Variants in PATJ observed in about 807,000 individuals in gnomAD.
PATJ encodes PATJ crumbs cell polarity complex component.
In PATJ, 190 loss-of-function variants were observed where a neutral mutation model predicts 224.9. That is an observed-to-expected ratio of 0.84 (90% CI 0.75 to 0.95). The LOEUF is 0.95. Ranked by LOEUF, PATJ falls within the 40% of genes least tolerant of loss-of-function variation. The probability of loss-of-function intolerance (pLI) is 0.00; values close to 1 mark genes in which losing one functional copy is unlikely to be tolerated. For missense variants in PATJ, 2,121 were observed against 2,270.3 expected, an observed-to-expected ratio of 0.93 and a Z score of 1.34; for synonymous variants, 769 against 820.3, an observed-to-expected ratio of 0.94 and a Z score of 1.07.
At chr1:61,768,521 A>T (rs1238244383) in intron 4 of PATJ, among the ~76,000 whole-genome samples, 1 of 152,112 alleles carries the variant, frequency 6.6e-6, no homozygotes, top group African/African-American at 2.4e-5. Flanking sequence ...CAACAATAGA[A>T]TTAAAAACAG....
At chr1:62,055,768 C>T (rs1654433538) in intron 31 of PATJ, among the ~76,000 whole-genome samples, 1 of 152,136 alleles carries the variant, frequency 6.6e-6, no homozygotes, top group Non-Finnish European at 1.5e-5. Context: ...TTAGGGTTCT[C>T]CGAAGAGACA....
At chr1:61,935,115 C>T (rs1676651332) in intron 27 of PATJ, among the ~76,000 whole-genome samples, 1 of 152,096 alleles carries the variant, frequency 6.6e-6, no homozygotes, top group South Asian at 2.1e-4. Flanking sequence ...CATTTTTCAA[C>T]TATGGGGAGC....
intron 9 of PATJ, among the ~76,000 whole-genome samples, chr1:61,793,256 A>G (rs948642425): frequency 7.2e-5 from 11 of 152,130 alleles, no homozygotes; most frequent in Non-Finnish European, 1.3e-4. Flanking sequence ...GGCCCACTGT[A>G]CAAGCAAACT....
At position 61,856,691 on chromosome 1, in the gene PATJ, C is replaced by A. The variant is rs571195777; in HGVS notation, c.2322+452C>A. ...GCAACCTCCACTTCCTGGGTTCAAG[C>A]GATTCTCCTGCCTCAGCCTCTCAAG... On this transcript the variant is annotated intron_variant, in intron 18 of 43. Transcript: ENST00000642238. Among the ~76,000 whole-genome samples, 5 of 152,226 alleles carry A rather than the reference C, an allele frequency of 3.3e-5. No individual in the cohort carries two copies. In the South Asian group the frequency reaches 1.0e-3, roughly 32 times the overall value.
chr1:62,128,586 T>C lies in PATJ; in HGVS notation c.5167-255T>C, dbSNP rs559468915. Reference sequence around the variant, plus strand: ...CAAATGGTTGTATGAAACACCACCATTACCAAAATACAAAAATGGCCTACT... The same window carrying C: ...CAAATGGTTGTATGAAACACCACCACTACCAAAATACAAAAATGGCCTACT... On this transcript the variant is annotated intron_variant, in intron 40 of 43. Coordinates refer to ENST00000642238, the MANE Select transcript of PATJ (RefSeq NM_001350145.3). 23 of 453,176 alleles carry C rather than the reference T, an allele frequency of 5.1e-5. No individual in the cohort carries two copies. The Admixed American group carries it at 8.1e-4, about 16-fold the overall frequency. The allele number at this position is 453,176 out of a possible 1,614,324, so 28.1% of individuals were successfully genotyped here.
At chr1:62,119,396 G>T (rs1362286806) in intron 37 of PATJ, among the ~76,000 whole-genome samples, 1 of 152,140 alleles carries the variant, frequency 6.6e-6, no homozygotes, top group Admixed American at 6.5e-5. Flanking sequence ...ATTTCCTTCT[G>T]AGCAGTTACA....
rs781608772 is a variant in PATJ, at chr1:61,801,701, A to G, written c.1481A>G (p.Glu494Gly). 9 of 1,600,276 alleles carry G rather than the reference A, an allele frequency of 5.6e-6. No individual in the cohort carries two copies. The Admixed American group carries it at 8.4e-5, about 15-fold the overall frequency. The part of the protein sequence containing the change: ...AVETETNVDG[E>G]DEEIKERIDT... Reference sequence around the variant, plus strand: ...GAAACTGAAACTAATGTGGATGGTGAAGATGAGGAAATTAAAGAAAGAATT... The same window carrying G: ...GAAACTGAAACTAATGTGGATGGTGGAGATGAGGAAATTAAAGAAAGAATT... The change falls in exon 12 of 44, where the codon GAA (glutamate) becomes GGA (glycine). Residue 494 changes from glutamate to glycine, a missense_variant. Coordinates refer to ENST00000642238, the MANE Select transcript of PATJ (RefSeq NM_001350145.3).
chr1:61,826,129 C>T (rs1344767418), intron 15 of PATJ, among the ~76,000 whole-genome samples: 1 of 152,152 alleles, frequency 6.6e-6, no homozygotes, highest in Non-Finnish European at 1.5e-5. Flanking sequence ...GTCTCTTTAC[C>T]ATGTGGTGGT....
intron 26 of PATJ, among the ~76,000 whole-genome samples, chr1:61,919,759 A>G (rs1674009932): frequency 6.6e-6 from 1 of 152,114 alleles, no homozygotes; most frequent in African/African-American, 2.4e-5. Flanking sequence ...TTAGAAATAT[A>G]TTTTGAAGTT....
At chr1:61,818,855 G>A (rs979354046) in intron 14 of PATJ, among the ~76,000 whole-genome samples, 4 of 152,232 alleles carry the variant, frequency 2.6e-5, no homozygotes, top group South Asian at 4.2e-4. Flanking sequence ...GGTGGGAATG[G>A]GGGTCATCAT....
intron 6 of PATJ, among the ~76,000 whole-genome samples, chr1:61,772,106 GTT>G (rs753366748): frequency 2.6e-5 from 3 of 115,336 alleles, no homozygotes; most frequent in East Asian, 2.8e-4. Flanking sequence ...CATGACGGTC[GTT>G]TTTTTTTTTT....
chr1:61,819,289 C>T (rs974956944), intron 14 of PATJ, among the ~76,000 whole-genome samples: 1 of 152,152 alleles, frequency 6.6e-6, no homozygotes, highest in South Asian at 2.1e-4. Flanking sequence ...TTTCACACAA[C>T]GGTCACACAT....
At chr1:61,861,280 C>CTTTCTTTTTTTTTTTT (rs1664496211) in intron 18 of PATJ, among the ~76,000 whole-genome samples, 1 of 28,648 alleles carries the variant, frequency 3.5e-5, no homozygotes, top group African/African-American at 1.0e-4. Flanking sequence ...TATTTTCTTT[C>CTTTCTTTTTTTTTTTT]TTTCTTTTTT....
chr1:61,943,748 C>T (rs1237465221), intron 27 of PATJ, among the ~76,000 whole-genome samples: 2 of 152,150 alleles, frequency 1.3e-5, no homozygotes, highest in African/African-American at 2.4e-5. Context: ...GGTTCTCCCA[C>T]CACAGAGTTT....
In PATJ at chr1:61,791,347, G is replaced by A; in HGVS notation, c.1069-1G>A. Reference sequence around the variant, plus strand: ...TAATTAAATTTGTTTTTTCCTTTTAGGACAGTTCTCTTTTTGAAACTTATA... The same window carrying A: ...TAATTAAATTTGTTTTTTCCTTTTAAGACAGTTCTCTTTTTGAAACTTATA... On this transcript the variant is annotated splice_acceptor_variant, in intron 8 of 43. Coordinates refer to ENST00000642238, the MANE Select transcript of PATJ (RefSeq NM_001350145.3). LOFTEE classifies it high-confidence loss of function. 1 of 1,589,620 alleles carries A rather than the reference G, an allele frequency of 6.3e-7. No individual in the cohort carries two copies. Among genetic ancestry groups the A allele is most frequent in the South Asian group, 1.1e-5 (1 of 90,322 alleles).
intron 31 of PATJ, among the ~76,000 whole-genome samples, chr1:62,070,441 C>G (rs1657193438): frequency 6.6e-6 from 1 of 152,110 alleles, no homozygotes; most frequent in South Asian, 2.1e-4. Context: ...ATTCACTCAG[C>G]ACTAACACTT....
chr1:61,816,978 C>G (rs773725326), intron 14 of PATJ, among the ~76,000 whole-genome samples: 1 of 152,114 alleles, frequency 6.6e-6, no homozygotes, highest in African/African-American at 2.4e-5. Flanking sequence ...TTGCCTCACT[C>G]CGTAGAGAAT....
chr1:61,936,241 T>C (rs1676850736), intron 27 of PATJ, among the ~76,000 whole-genome samples: 1 of 151,020 alleles, frequency 6.6e-6, no homozygotes, highest in Non-Finnish European at 1.5e-5. Context: ...TATACATATA[T>C]ATTTTAATTT....
At chr1:61,794,163 A>G (rs1255422698) in intron 9 of PATJ, among the ~76,000 whole-genome samples, 4 of 151,884 alleles carry the variant, frequency 2.6e-5, no homozygotes, top group African/African-American at 9.7e-5. Context: ...CAGCCTCCCA[A>G]AGTGCTGGGA....
Sources: gnomAD v4.1 joint callset for allele counts (sites outside exome capture counted in the v4.1 genomes callset) on GRCh38, gnomAD v4.1.1 for gene constraint, MANE v1.5 for transcripts, NCBI Gene and HGNC (gene_info 2026-07-23, HGNC 2026-07-21) for gene names.